The following KIF6 variants were observed in gnomAD, a reference collection of about 807,000 sequenced individuals.
KIF6 encodes kinesin-like protein KIF6.
A neutral mutation model predicts 112.7 loss-of-function variants in KIF6; 106 were observed. That is an observed-to-expected ratio of 0.94 (90% CI 0.80 to 1.11). The LOEUF (loss-of-function observed/expected upper bound fraction) is 1.11. Ranked by LOEUF, KIF6 falls within the 50% of genes least tolerant of loss-of-function variation. KIF6 has a pLI of 0.00. For missense variants in KIF6, 929 were observed against 964.0 expected, an observed-to-expected ratio of 0.96 and a Z score of 0.48; for synonymous variants, 339 against 339.9, an observed-to-expected ratio of 1.00 and a Z score of 0.03.
rs1315007069 is a variant in KIF6, at chr6:39,346,048, T to TGCTC, written c.2232-263_2232-260dup. Among the ~76,000 whole-genome samples, 96 of 35,662 alleles carry TGCTC rather than the reference T, an allele frequency of 2.7e-3. 3 individuals are homozygous for TGCTC. The highest frequency in any genetic ancestry group is 8.1e-3 in the African/African-American group (89 of 11,048). The allele number at this position is 35,662 out of a possible 152,430, so 23.4% of individuals were successfully genotyped here. On this transcript the variant is annotated intron_variant, in intron 20 of 22. Coordinates refer to ENST00000287152, the MANE Select transcript of KIF6 (RefSeq NM_145027.6). ...ATAAGAGGAGGATGAGAAACTACAGTGCTCTCTCTCTCTCTCTCTCTCTCT... is the reference window on the plus strand; with the variant it reads ...ATAAGAGGAGGATGAGAAACTACAGTGCTCGCTCTCTCTCTCTCTCTCTCTCTCT...
At chr6:39,604,115 A>G (rs1165288966) in intron 6 of KIF6, among the ~76,000 whole-genome samples, 1 of 150,554 alleles carries the variant, frequency 6.6e-6, no homozygotes, top group African/African-American at 2.4e-5. Flanking sequence ...TTCTACACTG[A>G]TACTCTAATT....
intron 6 of KIF6, among the ~76,000 whole-genome samples, chr6:39,611,251 T>C (rs901750504): frequency 1.3e-5 from 2 of 152,110 alleles, no homozygotes; most frequent in African/African-American, 4.8e-5. Context: ...GAGGTTTCAG[T>C]GAGCCATCAC....
chr6:39,683,705 A>G, intron 3 of KIF6, among the ~76,000 whole-genome samples: 1 of 152,182 alleles, frequency 6.6e-6, no homozygotes, highest in East Asian at 1.9e-4. Flanking sequence ...GAAGGAGAGG[A>G]GGAATAGGCA....
chr6:39,460,569 A>T (rs969065884), intron 13 of KIF6, among the ~76,000 whole-genome samples: 5 of 151,058 alleles, frequency 3.3e-5, no homozygotes, highest in Non-Finnish European at 5.9e-5. Context: ...AAGATCTTAA[A>T]AGTAGCCAGG....
chr6:39,345,080 G>A (rs1283446938), intron 21 of KIF6, among the ~76,000 whole-genome samples: 2 of 152,176 alleles, frequency 1.3e-5, no homozygotes, highest in South Asian at 2.1e-4. Flanking sequence ...CCAACTTTCC[G>A]TCCATCCTCA....
chr6:39,385,759 A>C, intron 15 of KIF6, 87 bp from the exon 16 acceptor site: 1 of 790,518 alleles, frequency 1.3e-6, no homozygotes, highest in Admixed American at 2.2e-5. Context: ...AGCTACAGAA[A>C]AAAAAAAAAA....
intron 13 of KIF6, among the ~76,000 whole-genome samples, chr6:39,476,727 C>T (rs1042413262): frequency 6.6e-6 from 1 of 152,218 alleles, no homozygotes; most frequent in Non-Finnish European, 1.5e-5. Flanking sequence ...CCCAGTCCCT[C>T]ACCTTTCTGA....
At chr6:39,604,118 C>T (rs745978854) in intron 6 of KIF6, among the ~76,000 whole-genome samples, 1 of 151,092 alleles carries the variant, frequency 6.6e-6, no homozygotes, top group Non-Finnish European at 1.5e-5. Flanking sequence ...TACACTGATA[C>T]TCTAATTGAT....
chr6:39,577,171 C>A (rs1781018035), intron 10 of KIF6, among the ~76,000 whole-genome samples: 1 of 152,210 alleles, frequency 6.6e-6, no homozygotes, highest in Non-Finnish European at 1.5e-5. Context: ...AATTAGGAAA[C>A]ACTACCCCGT....
intron 16 of KIF6, among the ~76,000 whole-genome samples, chr6:39,367,040 C>T (rs1765611625): frequency 1.3e-5 from 2 of 152,194 alleles, no homozygotes; most frequent in South Asian, 4.2e-4. Flanking sequence ...AATGAGGGCA[C>T]AGCACACTCC....
intron 10 of KIF6, among the ~76,000 whole-genome samples, chr6:39,557,950 T>C (rs1417021853): frequency 1.3e-5 from 2 of 151,672 alleles, no homozygotes; most frequent in African/African-American, 4.8e-5. Context: ...CCCCCTTTTT[T>C]TTTTGCCCGT....
chr6:39,411,836 T>A (rs974029146), intron 15 of KIF6, among the ~76,000 whole-genome samples: 1 of 152,258 alleles, frequency 6.6e-6, no homozygotes, highest in Admixed American at 6.5e-5. Context: ...TATCAGCCTT[T>A]CAACAACTAA....
intron 10 of KIF6, among the ~76,000 whole-genome samples, chr6:39,572,901 A>G (rs534445733): frequency 6.6e-6 from 1 of 151,248 alleles, no homozygotes; most frequent in African/African-American, 2.4e-5. Flanking sequence ...ATCCAAGTCC[A>G]TGCAACAAAT....
chr6:39,540,094 T>C lies in KIF6; in HGVS notation c.1554A>G (p.Glu518=). The C allele has an allele frequency of 6.2e-7, 1 of 1,614,150 alleles. No individual in the cohort carries two copies. The highest frequency in any genetic ancestry group is 1.1e-5 in the South Asian group (1 of 91,078). The part of the protein sequence containing the change: ...SPPFRLGNPE[E]GQRMRLSSAP... ...CTGAGGATAGTCGCATTCTTTGACCTTCTTCTGGGTTTCCTAGGCGGAAGG... is the reference window on the plus strand; with the variant it reads ...CTGAGGATAGTCGCATTCTTTGACCCTCTTCTGGGTTTCCTAGGCGGAAGG... The change falls in exon 13 of 23, where the codon GAA becomes GAG. Residue 518 remains glutamate, a synonymous_variant. Transcript: ENST00000287152.
At chr6:39,531,168 G>C (rs1343785845) in intron 13 of KIF6, among the ~76,000 whole-genome samples, 1 of 152,166 alleles carries the variant, frequency 6.6e-6, no homozygotes, top group Non-Finnish European at 1.5e-5. Context: ...CTTTCAGATA[G>C]AAGTCTCTTC....
chr6:39,529,765 C>T (rs111429302), intron 13 of KIF6, among the ~76,000 whole-genome samples: 3,236 of 151,900 alleles, frequency 0.021, 123 homozygotes, highest in African/African-American at 0.074. Context: ...CCAGCCTGGG[C>T]GACAGAGCGA....
At chr6:39,514,759 A>C (rs1004658980) in intron 13 of KIF6, among the ~76,000 whole-genome samples, 2 of 137,090 alleles carry the variant, frequency 1.5e-5, no homozygotes, top group African/African-American at 6.1e-5. Context: ...AATCGTTCAA[A>C]CTCAAGGCTT....
At chr6:39,600,355 G>A (rs1476323809) in intron 6 of KIF6, among the ~76,000 whole-genome samples, 2 of 152,240 alleles carry the variant, frequency 1.3e-5, no homozygotes, top group South Asian at 2.1e-4. Flanking sequence ...ATATCACTGT[G>A]TTAGGCAGTA....
intron 13 of KIF6, among the ~76,000 whole-genome samples, chr6:39,501,333 C>A (rs950695250): frequency 2.6e-5 from 4 of 152,144 alleles, no homozygotes; most frequent in African/African-American, 9.7e-5. Context: ...AGGTCAGCAA[C>A]CTCAAAGACT....
Sources: allele counts gnomAD v4.1 joint callset (sites outside exome capture counted in the v4.1 genomes callset), GRCh38; gene constraint gnomAD v4.1.1; transcripts MANE v1.5; gene names NCBI Gene and HGNC (gene_info 2026-07-23, HGNC 2026-07-21).